Variants in GSAP observed in about 807,000 individuals in gnomAD.
GSAP encodes the protein gamma-secretase-activating protein.
Under a neutral mutation model 131.7 loss-of-function variants are expected in GSAP, and 118 were observed. That is an observed-to-expected ratio of 0.90 (90% CI 0.77 to 1.04). The LOEUF (loss-of-function observed/expected upper bound fraction) is 1.04. Ranked by LOEUF, GSAP falls within the 50% of genes least tolerant of loss-of-function variation. The pLI, the probability that GSAP is intolerant of heterozygous loss-of-function variation, is 0.00. For synonymous variants in GSAP, 381 were observed against 363.4 expected (o/e 1.05, Z -0.55); for missense variants, 1,019 against 1,013.2 (o/e 1.01, Z -0.08).
At chr7:77,406,894 C>G (rs1278452839) in intron 1 of GSAP, among the ~76,000 whole-genome samples, 6 of 152,198 alleles carry the variant, frequency 3.9e-5, no homozygotes, top group Non-Finnish European at 8.8e-5. Context: ...CCCCTCTCCC[C>G]GCTGCTAAGG....
chr7:77,331,124 AC>A (rs1480696614), intron 19 of GSAP, among the ~76,000 whole-genome samples: 1 of 152,054 alleles, frequency 6.6e-6, no homozygotes, highest in African/African-American at 2.4e-5. Context: ...CCACGGTGAA[AC>A]CCCGTCTCTA....
chr7:77,340,997 C>T (rs1370255080), intron 19 of GSAP, among the ~76,000 whole-genome samples: 2 of 152,208 alleles, frequency 1.3e-5, no homozygotes, highest in African/African-American at 2.4e-5. Context: ...TCACCTCTCA[C>T]CTGACCTAAA....
At chr7:77,385,806 G>A (rs1407095395) in intron 6 of GSAP, among the ~76,000 whole-genome samples, 1 of 152,240 alleles carries the variant, frequency 6.6e-6, no homozygotes, top group Non-Finnish European at 1.5e-5. Flanking sequence ...CTGGAATAGG[G>A]AGGCCCATAG....
At chr7:77,400,145 G>C (rs1367784486) in intron 3 of GSAP, among the ~76,000 whole-genome samples, 3 of 152,106 alleles carry the variant, frequency 2.0e-5, no homozygotes, top group African/African-American at 7.2e-5. Flanking sequence ...CCTTTGCCCA[G>C]CTGTTAACAA....
intron 26 of GSAP, among the ~76,000 whole-genome samples, chr7:77,319,772 C>T (rs115992245): frequency 6.6e-6 from 1 of 152,102 alleles, no homozygotes; most frequent in East Asian, 1.9e-4. Context: ...CTAAGTGAAA[C>T]AAGCCAGTCA....
intron 3 of GSAP, among the ~76,000 whole-genome samples, chr7:77,403,841 G>T (rs1410903814): frequency 6.6e-6 from 1 of 152,256 alleles, no homozygotes; most frequent in East Asian, 1.9e-4. Context: ...AGGATAACAG[G>T]ACCAAGAGAT....
chr7:77,410,505 A>T (rs892919420), intron 1 of GSAP, among the ~76,000 whole-genome samples: 1 of 152,226 alleles, frequency 6.6e-6, no homozygotes, highest in Non-Finnish European at 1.5e-5. Flanking sequence ...TTAATTTCAC[A>T]GTTTAGTATA....
Position 77,377,405 on chromosome 7 carries a change from A to T in GSAP, c.577-15T>A. On this transcript the variant is annotated splice_polypyrimidine_tract_variant and intron_variant, in intron 8 of 30. Transcript: ENST00000257626. ...TTTTTAATCACCTAAAAATGCAAAA[A>T]AAAAAAAAAAAAAAAAAGTATGAAT... The T allele has an allele frequency of 1.0e-6, 1 of 953,590 alleles. No homozygotes were observed. Among genetic ancestry groups the T allele is most frequent in the Non-Finnish European group, 1.4e-6 (1 of 699,734 alleles). The allele number at this position is 953,590 out of a possible 1,614,324, so 59.1% of individuals were successfully genotyped here.
rs377364115 is a variant in GSAP, at chr7:77,353,593, G to C, written c.1387C>G (p.Leu463Val). 2.5e-6 allele frequency: 4 copies of C among 1,609,532 alleles called. No individual in the cohort carries two copies. The highest frequency in any genetic ancestry group is 3.4e-6 in the Non-Finnish European group (4 of 1,176,714). Residue 463 changes from leucine to valine, a missense_variant, in exon 17 of 31, where the codon CTC (leucine) becomes GTC (valine). Leu to Val is a conservative substitution (Grantham distance 32, BLOSUM62 1). Transcript: ENST00000257626. The stretch of plus-strand genomic sequence containing the variant: ...TTACCAATTATAAATTCCTGAATGA[G>C]GTCAAATGAATGGCAGGCAGAGACA... ...ENVSACHSFD[L>V]IQEFIIASSY...
At position 77,329,335 on chromosome 7, in the gene GSAP, T is replaced by C; in HGVS notation, c.1731A>G (p.Val577=). The C allele has an allele frequency of 6.4e-7, 1 of 1,552,552 alleles. No homozygotes were observed. Among genetic ancestry groups the C allele is most frequent in the Non-Finnish European group, 8.8e-7 (1 of 1,139,268 alleles). ...TGATAACCTCTGCTTTCACTTACTT[T>C]ACTGCATTATCAAGAATATTCCTCA... ...AYVRNILDNA[V]KVISNLEARN... Residue 577 remains valine, a splice_region_variant and synonymous_variant, in exon 21 of 31, where the codon GTA becomes GTG. Coordinates refer to ENST00000257626, the MANE Select transcript of GSAP (RefSeq NM_017439.4).
At position 77,406,075 on chromosome 7, in the gene GSAP, T is replaced by C. The variant is rs6949654; in HGVS notation, c.140A>G (p.His47Arg). The change falls in exon 2 of 31, where the codon CAT becomes CGT. Residue 47 changes from histidine to arginine, a missense_variant. His to Arg is a conservative substitution (Grantham distance 29, BLOSUM62 0). Coordinates refer to ENST00000257626, the MANE Select transcript of GSAP (RefSeq NM_017439.4). Reference sequence around the variant, plus strand: ...TCCATTTCTTTCAACATTTAATACATGTAAGCTCTCATAATCGTTTTCTAA... The same window carrying C: ...TCCATTTCTTTCAACATTTAATACACGTAAGCTCTCATAATCGTTTTCTAA... ...DVLENDYESL[H>R]VLNVERNGNI... is the part of the protein sequence containing the mutation. The C allele has an allele frequency of 0.85, 982,928 of 1,151,494 alleles. 421,125 individuals carry two copies. Among genetic ancestry groups the C allele is most frequent in the African/African-American group, 0.97 (58,551 of 60,556 alleles). The allele number at this position is 1,151,494 out of a possible 1,614,324, so 71.3% of individuals were successfully genotyped here.
chr7:77,381,334 G>C lies in GSAP; in HGVS notation c.547C>G (p.His183Asp), dbSNP rs1436511754. Reference protein sequence around the residue: ...EEKYIEQFRIHVAQEDGNRVV... With the variant: ...EEKYIEQFRIDVAQEDGNRVV... Reference sequence around the variant, plus strand: ...CTATTTCCATCTTCTTGGGCGACATGGATACGAAATTGTTCAATATCTTTA... The same window carrying C: ...CTATTTCCATCTTCTTGGGCGACATCGATACGAAATTGTTCAATATCTTTA... Residue 183 changes from histidine to aspartate, a missense_variant, in exon 8 of 31, where the codon CAT becomes GAT. Transcript: ENST00000257626. The C allele has an allele frequency of 1.2e-5, 18 of 1,553,266 alleles. No homozygotes were observed. The highest frequency in any genetic ancestry group is 2.8e-5 in the African/African-American group (2 of 72,452).
At chr7:77,397,944 C>T (rs1015399970) in intron 3 of GSAP, among the ~76,000 whole-genome samples, 4 of 152,094 alleles carry the variant, frequency 2.6e-5, no homozygotes, top group African/African-American at 9.7e-5. Flanking sequence ...TCCCATAGGC[C>T]TTTCATATTT....
At chr7:77,346,185 G>A (rs573112146) in intron 19 of GSAP, among the ~76,000 whole-genome samples, 239 of 142,582 alleles carry the variant, frequency 1.7e-3, no homozygotes, top group African/African-American at 4.7e-3. Flanking sequence ...CAGGAGAATC[G>A]CTTGAACCCA....
At position 77,366,278 on chromosome 7, in the gene GSAP, C is replaced by G. The variant is rs139632808; in HGVS notation, c.872-3618G>C. 4.6e-5 allele frequency among the ~76,000 whole-genome samples: 7 copies of G among 152,188 alleles called. 1 individual carries two copies. In the East Asian group the frequency reaches 1.4e-3, roughly 29 times the overall value. On this transcript the variant is annotated intron_variant, in intron 12 of 30. Transcript: ENST00000257626. ...TCAATTTTTGCTTCTTTTGTGATTA[C>G]TTTTGATGTCTTTGTTATGAAATAT...
intron 1 of GSAP, among the ~76,000 whole-genome samples, chr7:77,413,835 G>A (rs1421083214): frequency 6.9e-6 from 1 of 145,918 alleles, no homozygotes; most frequent in Non-Finnish European, 1.5e-5. Context: ...CTGGGTAGTG[G>A]ATACACGGTT....
At chr7:77,324,048 A>C (rs975048219) in intron 23 of GSAP, among the ~76,000 whole-genome samples, 1 of 152,228 alleles carries the variant, frequency 6.6e-6, no homozygotes, top group African/African-American at 2.4e-5. Flanking sequence ...TAGAAGTCAC[A>C]GGCTTTGGGA....
intron 8 of GSAP, among the ~76,000 whole-genome samples, chr7:77,378,610 A>C (rs1305109526): frequency 6.6e-6 from 1 of 152,216 alleles, no homozygotes; most frequent in Non-Finnish European, 1.5e-5. Flanking sequence ...GAACTATGGA[A>C]CATTAAAATC....
rs746050086 is a variant in GSAP at position 77,389,289 on chromosome 7, G to GTA, written c.368-1843_368-1842dup. Among the ~76,000 whole-genome samples the GTA allele has an allele frequency of 6.6e-3, 979 of 147,684 alleles. 10 individuals carry two copies. The highest frequency in any genetic ancestry group is 0.022 in the African/African-American group (886 of 40,142). ...TTTTGACCTAAAAGTATGTGTGTGTGTATATATATATATATTTTTTGTTTG... is the reference window on the plus strand; with the variant it reads ...TTTTGACCTAAAAGTATGTGTGTGTGTATATATATATATATATTTTTTGTTTG... On this transcript the variant is annotated intron_variant, in intron 5 of 30. Coordinates refer to ENST00000257626, the MANE Select transcript of GSAP (RefSeq NM_017439.4).
Sources: gnomAD v4.1 joint callset for allele counts (sites outside exome capture counted in the v4.1 genomes callset) on GRCh38, gnomAD v4.1.1 for gene constraint, MANE v1.5 for transcripts, NCBI Gene and HGNC (gene_info 2026-07-23, HGNC 2026-07-21) for gene names.